BMP1: variants seen among roughly 807,000 people sequenced by gnomAD.
BMP1 encodes mammalian tolloid protein.
BMP1 carries 63 observed loss-of-function variants against 116.8 expected under a neutral mutation model. The ratio of observed to expected loss-of-function variants is 0.54; its 90% CI spans 0.44 to 0.67. The LOEUF is 0.67. Among genes scored for constraint, BMP1 ranks in the 30% least tolerant of loss-of-function variants. BMP1 has a pLI of 0.00. For missense variants in BMP1, 1,183 were observed against 1,358.9 expected, an observed-to-expected ratio of 0.87 and a Z score of 2.04; for synonymous variants, 536 against 533.4, an observed-to-expected ratio of 1.00 and a Z score of -0.07.
In BMP1 at chr8:22,211,936, G is replaced by T. The variant is rs868717468; in HGVS notation, c.*208G>T. 100 of 694,166 alleles carry T rather than the reference G, an allele frequency of 1.4e-4. No homozygotes were observed. The highest frequency in any genetic ancestry group is 1.4e-3 in the South Asian group (75 of 52,142). The allele number at this position is 694,166 out of a possible 1,614,324, so 43.0% of individuals were successfully genotyped here. On this transcript the variant is annotated 3_prime_UTR_variant, in exon 20 of 20. Coordinates refer to ENST00000306385, the MANE Select transcript of BMP1 (RefSeq NM_006129.5). ...CCCCACAAACCCCCACCAGCAAGGG[G>T]CTGGGGCCAGGGAGCAGAGCTTCCA...
intron 18 of BMP1, among the ~76,000 whole-genome samples, 181 bp downstream of exon 18, chr8:22,207,697 G>A (rs573282569): frequency 1.3e-5 from 2 of 152,308 alleles, no homozygotes; most frequent in East Asian, 1.9e-4. Flanking sequence ...GGATAGGAGG[G>A]TGTGGTTAGG....
chr8:22,206,934 G>A lies in BMP1; in HGVS notation c.2314G>A (p.Glu772Lys). The A allele has an allele frequency of 1.9e-6, 3 of 1,614,218 alleles. No homozygotes were observed. Among genetic ancestry groups the A allele is most frequent in the Non-Finnish European group, 2.5e-6 (3 of 1,180,030 alleles). ...NWPDKYPSKK[E>K]CTWAISSTPG... ...GCCTGACAAGTATCCCAGCAAGAAG[G>A]AGTGCACGTGGGCCATCTCCAGCAC... Residue 772 changes from glutamate (E) to lysine (K), a missense_variant, in exon 17 of 20, where the codon GAG becomes AAG. This residue lies in a region of BMP1 where 956 missense variants were observed against 1,135.2 expected (regional missense o/e 0.84). Coordinates refer to ENST00000306385, the MANE Select transcript of BMP1 (RefSeq NM_006129.5).
At position 22,191,713 on chromosome 8, in the gene BMP1, G is replaced by A. The variant is rs1052632702; in HGVS notation, c.1078-336G>A. On this transcript the variant is annotated intron_variant, in intron 8 of 19. Transcript: ENST00000306385. ...ACTTCAGACCCTCCAGTACCCTCACGCGGCCCTTGGCCCTTCCTACCACTG... is the reference window on the plus strand; with the variant it reads ...ACTTCAGACCCTCCAGTACCCTCACACGGCCCTTGGCCCTTCCTACCACTG... 2.6e-4 allele frequency among the ~76,000 whole-genome samples: 40 copies of A among 152,270 alleles called. 1 individual carries two copies. The highest frequency in any genetic ancestry group is 6.2e-4 in the South Asian group (3 of 4,820).
intron 6 of BMP1, 45 bp downstream of exon 6, chr8:22,178,002 C>G: frequency 1.4e-6 from 2 of 1,444,772 alleles, no homozygotes; most frequent in Middle Eastern, 1.9e-4. Context: ...GGCAGCCCCA[C>G]CCTGCCCTCT....
chr8:22,198,079 G>A (rs1829143693), intron 15 of BMP1, among the ~76,000 whole-genome samples: 1 of 152,202 alleles, frequency 6.6e-6, no homozygotes. Flanking sequence ...CAACTACTTA[G>A]GAGGCTGAGG....
At chr8:22,175,780 G>A (rs1460055645) in intron 2 of BMP1, among the ~76,000 whole-genome samples, 2 of 152,088 alleles carry the variant, frequency 1.3e-5, no homozygotes, top group Non-Finnish European at 2.9e-5. Context: ...TATGCTCAGG[G>A]GCTGTTTTAA....
chr8:22,209,361 G>T (rs761547432), intron 18 of BMP1, 84 bp from the exon 19 acceptor site: 1 of 1,550,510 alleles, frequency 6.4e-7, no homozygotes, highest in Non-Finnish European at 8.7e-7. Flanking sequence ...CCATCCTGCC[G>T]TGAGGGCACG....
intron 1 of BMP1, among the ~76,000 whole-genome samples, chr8:22,168,487 G>A (rs548623896): frequency 6.6e-6 from 1 of 152,280 alleles, no homozygotes; most frequent in South Asian, 2.1e-4. Context: ...CTAGAAGCAT[G>A]TCACACCCAG....
At chr8:22,198,218 A>C (rs1026279698) in intron 15 of BMP1, among the ~76,000 whole-genome samples, 6 of 152,172 alleles carry the variant, frequency 3.9e-5, no homozygotes, top group Admixed American at 6.5e-5. Context: ...CTTCAATACC[A>C]AAGCCTTGGG....
At chr8:22,195,135 C>G (rs1343499327) in intron 12 of BMP1, among the ~76,000 whole-genome samples, 2 of 152,132 alleles carry the variant, frequency 1.3e-5, no homozygotes, top group Non-Finnish European at 2.9e-5. Flanking sequence ...GGAAAAAAGG[C>G]AGTTGGAGGT....
At chr8:22,167,487 G>A (rs1038432667) in intron 1 of BMP1, among the ~76,000 whole-genome samples, 34 of 152,166 alleles carry the variant, frequency 2.2e-4, no homozygotes, top group African/African-American at 7.7e-4. Flanking sequence ...AGGAGGTGGG[G>A]CTGGGGCCTG....
intron 16 of BMP1, among the ~76,000 whole-genome samples, chr8:22,205,122 T>C (rs577350316): frequency 6.6e-6 from 1 of 152,074 alleles, no homozygotes; most frequent in East Asian, 1.9e-4. Context: ...AGTCCAGAGG[T>C]TGAAGCCATT....
intron 5 of BMP1, among the ~76,000 whole-genome samples, 163 bp downstream of exon 5, chr8:22,177,302 T>G (rs1828474866): frequency 6.6e-6 from 1 of 152,180 alleles, no homozygotes; most frequent in Non-Finnish European, 1.5e-5. Context: ...CCTTGAGGCA[T>G]TTCCTCCTCC....
chr8:22,180,610 C>T lies in BMP1; in HGVS notation c.1077+127C>T, dbSNP rs561038676. The T allele has an allele frequency of 6.2e-6, 5 of 807,818 alleles. No individual in the cohort carries two copies. The East Asian group carries it at 1.0e-4, about 17-fold the overall frequency. The allele number at this position is 807,818 out of a possible 1,614,324, so 50.0% of individuals were successfully genotyped here. On this transcript the variant is annotated intron_variant, in intron 8 of 19. Coordinates refer to ENST00000306385, the MANE Select transcript of BMP1 (RefSeq NM_006129.5). ...CCTGGCTACCGTAAATGTATCAAGT[C>T]CAGAGCGCTGATGGAGCACGGCTGT...
intron 9 of BMP1, 26 bp downstream of exon 9, chr8:22,192,177 C>A (rs1195482895): frequency 1.3e-6 from 2 of 1,586,668 alleles, no homozygotes; most frequent in Admixed American, 1.7e-5. Flanking sequence ...ACCCCCTGCC[C>A]CCTCCATGCT....
intron 8 of BMP1, among the ~76,000 whole-genome samples, chr8:22,191,776 T>C (rs1193200686): frequency 1.3e-5 from 2 of 152,192 alleles, no homozygotes; most frequent in Non-Finnish European, 2.9e-5. Flanking sequence ...GTGGGTTGTG[T>C]TATCTAATTG....
intron 2 of BMP1, among the ~76,000 whole-genome samples, chr8:22,174,686 G>T (rs1040981166): frequency 7.7e-6 from 1 of 130,168 alleles, no homozygotes; most frequent in African/African-American, 3.0e-5. Context: ...AGGCTAGAAT[G>T]CAGTGGCACC....
chr8:22,192,094 T>A lies in BMP1; in HGVS notation c.1123T>A (p.Cys375Ser). 6.2e-7 allele frequency: 1 copy of A among 1,614,028 alleles called. No individual in the cohort carries two copies. The highest frequency in any genetic ancestry group is 1.3e-5 in the African/African-American group (1 of 75,048). The change falls in exon 9 of 20, where the codon TGC becomes AGC. Residue 375 changes from cysteine to serine, a missense_variant. By Grantham distance (112) the Cys-to-Ser change is moderately radical. Coordinates refer to ENST00000306385, the MANE Select transcript of BMP1 (RefSeq NM_006129.5). ...CCTGGACCTGTACCGCAGCCGCCTG[T>A]GCTGGTACGACTATGTGGAGGTCCG... ...TSLDLYRSRL[C>S]WYDYVEVRDG...
chr8:22,192,249 C>T, intron 9 of BMP1, 98 bp downstream of exon 9: 1 of 1,051,710 alleles, frequency 9.5e-7, no homozygotes. Flanking sequence ...CAACACTGGC[C>T]AGGGATGACA....
Sources: gnomAD v4.1 joint callset for allele counts (sites outside exome capture counted in the v4.1 genomes callset) on GRCh38, gnomAD v4.1.1 for gene constraint, gnomAD v4.1.1 regional missense constraint, MANE v1.5 for transcripts, NCBI Gene and HGNC (gene_info 2026-07-23, HGNC 2026-07-21) for gene names.